Variants in FAAH2 observed in about 807,000 individuals in gnomAD.
FAAH2 encodes the protein fatty acid amide hydrolase 2.
A neutral mutation model predicts 36.9 loss-of-function variants in FAAH2; 60 were observed. The observed-to-expected ratio is 1.63, with a 90% CI of 1.32 to 2.02. The LOEUF is 2.02. Ranked by LOEUF, FAAH2 falls within the 30% of genes most tolerant of loss-of-function variation. FAAH2 has a pLI of 0.00. For synonymous variants in FAAH2, 214 were observed against 143.8 expected, an observed-to-expected ratio of 1.49 and a Z score of -3.49; for missense variants, 689 against 397.5, an observed-to-expected ratio of 1.73 and a Z score of -6.23.
intron 10 of FAAH2, among the ~76,000 whole-genome samples, chrX:57,479,096 G>A (rs191076595): frequency 9.0e-6 from 1 of 111,574 alleles, no homozygotes; most frequent in Non-Finnish European, 1.9e-5. Context: ...CCATTTTCAC[G>A]ATATTGATTC....
chrX:57,414,491 T>C (rs1487813245), intron 7 of FAAH2, among the ~76,000 whole-genome samples: 1 of 111,959 alleles, frequency 8.9e-6, no homozygotes, highest in East Asian at 2.8e-4. Context: ...TTTTTGTCAT[T>C]GGTTCTGTTT....
Position 57,310,661 on chromosome X carries a change from C to G in FAAH2, c.344C>G (p.Ala115Gly), listed in dbSNP as rs1157128763. ...CTTGCAGAGAAGCAGGAAGATGAAG[C>G]CACCCTGGAAAATAAATGGCCCTTC... ...QKLAEKQEDE[A>G]TLENKWPFLG... Residue 115 changes from alanine to glycine, a missense_variant, in exon 3 of 11, where the codon GCC (alanine) becomes GGC (glycine). Ala to Gly is a moderately conservative substitution (Grantham distance 60). Transcript: ENST00000374900. 1 of 1,206,720 alleles carries G rather than the reference C, an allele frequency of 8.3e-7. No individual in the cohort carries two copies. The highest frequency in any genetic ancestry group is 1.8e-5 in the African/African-American group (1 of 57,050).
the FAAH2 span, among the ~76,000 whole-genome samples, chrX:57,192,682 G>A: frequency 3.6e-5 from 4 of 111,998 alleles, no homozygotes; most frequent in Non-Finnish European, 7.5e-5. Context: ...GACCCCAAAT[G>A]GAAGGACTGG....
the FAAH2 span, among the ~76,000 whole-genome samples, chrX:57,181,197 C>T: frequency 3.6e-5 from 4 of 111,282 alleles, no homozygotes; most frequent in East Asian, 2.8e-4. Flanking sequence ...AAGCTAGAAG[C>T]GTTCACCTTG....
chrX:57,384,591 C>A (rs2054960713), intron 7 of FAAH2, among the ~76,000 whole-genome samples: 1 of 111,228 alleles, frequency 9.0e-6, no homozygotes. Context: ...TCATCACTGG[C>A]CATCAGAGAA....
chrX:57,347,815 G>A (rs2053869310), intron 5 of FAAH2, among the ~76,000 whole-genome samples: 1 of 108,903 alleles, frequency 9.2e-6, no homozygotes, highest in East Asian at 2.9e-4. Flanking sequence ...TTTTTGCCTT[G>A]GGTTTCTCAG....
chrX:57,125,917 A>G, the FAAH2 span, among the ~76,000 whole-genome samples: 1 of 111,769 alleles, frequency 8.9e-6, no homozygotes, highest in African/African-American at 3.3e-5. Flanking sequence ...ACTACAAAAC[A>G]CCTACATTTC....
At chrX:57,438,318 A>G (rs1177696504) in intron 8 of FAAH2, among the ~76,000 whole-genome samples, 1 of 107,394 alleles carries the variant, frequency 9.3e-6, no homozygotes, top group Non-Finnish European at 1.9e-5. Context: ...AAGAAAAAGT[A>G]GATGACACAA....
the FAAH2 span, among the ~76,000 whole-genome samples, chrX:57,179,440 A>T: frequency 8.9e-6 from 1 of 112,031 alleles, no homozygotes; most frequent in African/African-American, 3.2e-5. Context: ...TCTACCAAAC[A>T]AATGGAAATC....
intron 7 of FAAH2, among the ~76,000 whole-genome samples, chrX:57,425,640 G>T (rs1486469134): frequency 9.0e-6 from 1 of 111,343 alleles, no homozygotes; most frequent in Non-Finnish European, 1.9e-5. Flanking sequence ...AAGAAATGAA[G>T]TATTTTCTAG....
At chrX:57,326,977 T>A (rs1602285227) in intron 3 of FAAH2, among the ~76,000 whole-genome samples, 1 of 103,467 alleles carries the variant, frequency 9.7e-6, no homozygotes. Flanking sequence ...GTGGCTGGTA[T>A]CGGTTGTTCC....
chrX:57,215,723 C>G, the FAAH2 span, among the ~76,000 whole-genome samples: 2 of 109,649 alleles, frequency 1.8e-5, no homozygotes, highest in Admixed American at 9.8e-5. Flanking sequence ...GAACAGGACA[C>G]CAAACACCAC....
At chrX:57,441,655 T>C (rs1474252873) in intron 8 of FAAH2, among the ~76,000 whole-genome samples, 2 of 110,702 alleles carry the variant, frequency 1.8e-5, no homozygotes, top group Non-Finnish European at 1.9e-5. Context: ...TGTTAGCTTT[T>C]GAATGTGTTG....
chrX:57,440,112 G>C (rs1320400437), intron 8 of FAAH2, among the ~76,000 whole-genome samples: 1 of 111,064 alleles, frequency 9.0e-6, no homozygotes, highest in East Asian at 2.8e-4. Flanking sequence ...TATGAACTTA[G>C]AGTAGTTTTT....
At chrX:57,123,340 T>A in the FAAH2 span, among the ~76,000 whole-genome samples, 1 of 112,238 alleles carries the variant, frequency 8.9e-6, no homozygotes, top group African/African-American at 3.2e-5. Context: ...ACTCATCATT[T>A]TTTATGGCTG....
intron 7 of FAAH2, among the ~76,000 whole-genome samples, chrX:57,402,214 T>G (rs929249916): frequency 8.9e-6 from 1 of 112,187 alleles, no homozygotes; most frequent in African/African-American, 3.2e-5. Context: ...CTTCGTCCCC[T>G]GGGGCAGTGG....
intron 1 of FAAH2, among the ~76,000 whole-genome samples, chrX:57,287,639 G>T (rs1462645886): frequency 9.0e-6 from 1 of 111,631 alleles, no homozygotes; most frequent in East Asian, 2.8e-4. Context: ...ATTGTTGAAA[G>T]TTCTAAATTA....
At chrX:57,401,180 G>T (rs763816566) in intron 7 of FAAH2, among the ~76,000 whole-genome samples, 1 of 111,641 alleles carries the variant, frequency 9.0e-6, no homozygotes, top group African/African-American at 3.3e-5. Flanking sequence ...GATGGCACAA[G>T]GTTTCTGAAC....
At chrX:57,181,389 C>A in the FAAH2 span, among the ~76,000 whole-genome samples, 1 of 111,796 alleles carries the variant, frequency 8.9e-6, no homozygotes, top group Non-Finnish European at 1.9e-5. Context: ...TTCAACAAAG[C>A]TTTAGAATTT....
Sources: gnomAD v4.1 joint callset for allele counts (sites outside exome capture counted in the v4.1 genomes callset) on GRCh38, gnomAD v4.1.1 for gene constraint, MANE v1.5 for transcripts, NCBI Gene and HGNC (gene_info 2026-07-23, HGNC 2026-07-21) for gene names.